Variants in SMARCA2 observed in about 807,000 individuals in gnomAD.
The protein encoded by SMARCA2 is SWI/SNF-related matrix-associated actin-dependent regulator of chromatin subfamily A member 2.
A neutral mutation model predicts 199.8 loss-of-function variants in SMARCA2; 61 were observed. The ratio of observed to expected loss-of-function variants is 0.31; its 90% CI spans 0.25 to 0.38. The LOEUF (loss-of-function observed/expected upper bound fraction) is 0.38. Among genes scored for constraint, SMARCA2 ranks in the 10% least tolerant of loss-of-function variants. The probability of loss-of-function intolerance (pLI) is 1.00; values close to 1 mark genes in which losing one functional copy is unlikely to be tolerated. For synonymous variants in SMARCA2, 935 were observed against 732.0 expected (o/e 1.28, Z -4.48); for missense variants, 1,344 against 2,012.2 (o/e 0.67, Z 6.35).
At chr9:2,156,098 A>T (rs757402926) in intron 27 of SMARCA2, among the ~76,000 whole-genome samples, 1 of 152,222 alleles carries the variant, frequency 6.6e-6, no homozygotes, top group Non-Finnish European at 1.5e-5. Context: ...TGCTATACAC[A>T]GTTATTTTCT....
chr9:2,075,587 C>T (rs550798607), intron 12 of SMARCA2, among the ~76,000 whole-genome samples: 3 of 152,334 alleles, frequency 2.0e-5, no homozygotes, highest in Admixed American at 6.5e-5. Flanking sequence ...TCCAGGTCCT[C>T]TACAGTGGAC....
chr9:2,152,291 C>G (rs1260278186), intron 27 of SMARCA2, among the ~76,000 whole-genome samples: 1 of 152,230 alleles, frequency 6.6e-6, no homozygotes, highest in Non-Finnish European at 1.5e-5. Flanking sequence ...ATGGCTCATG[C>G]CTGTAATCCC....
intron 27 of SMARCA2, among the ~76,000 whole-genome samples, chr9:2,131,062 T>C (rs1238062340): frequency 6.6e-6 from 1 of 152,206 alleles, no homozygotes; most frequent in African/African-American, 2.4e-5. Flanking sequence ...TCAGAATCCT[T>C]CCTTTCCTTA....
At chr9:2,171,183 C>T (rs1047007742) in intron 29 of SMARCA2, among the ~76,000 whole-genome samples, 5 of 152,116 alleles carry the variant, frequency 3.3e-5, no homozygotes, top group Non-Finnish European at 7.4e-5. Flanking sequence ...TACGCCAAGG[C>T]TAGGAGCTCT....
chr9:2,085,009 C>G (rs73638380), intron 17 of SMARCA2, among the ~76,000 whole-genome samples: 1,567 of 152,154 alleles, frequency 0.01, 29 homozygotes, highest in African/African-American at 0.036. Context: ...TAATCTGAAA[C>G]TAAGTTATGT....
chr9:2,118,519 A>C (rs1055470203), intron 25 of SMARCA2, among the ~76,000 whole-genome samples: 3 of 152,146 alleles, frequency 2.0e-5, no homozygotes, highest in Admixed American at 1.3e-4. Context: ...TGGATGTCTG[A>C]AGTTCTGTGT....
chr9:2,039,773 GCAA>G lies in SMARCA2; in HGVS notation c.666_668del (p.Gln238del), dbSNP rs747578881. ...CTGGCTTGCAGCAACAACAGCAGCA[GCAA>G]CAGCAGCAGCAGCAGCAGCAGCAGC... On this transcript the variant is annotated inframe_deletion, in exon 4 of 34. Transcript: ENST00000349721. This position sits in a 1 kb window ranked among gnomAD's most constrained non-coding sequence, Gnocchi z 4.8. The G allele has an allele frequency of 3.2e-5, 52 of 1,603,058 alleles. No homozygotes were observed. Among genetic ancestry groups the G allele is most frequent in the African/African-American group, 1.7e-4 (12 of 70,930 alleles).
intron 13 of SMARCA2, 125 bp from the exon 14 acceptor site, chr9:2,077,504 C>T (rs1394249983): frequency 9.3e-6 from 8 of 860,292 alleles, no homozygotes; most frequent in African/African-American, 1.7e-5. Flanking sequence ...CATGGCAAGT[C>T]GTGGTTGATA....
intron 9 of SMARCA2, among the ~76,000 whole-genome samples, 182 bp downstream of exon 9, chr9:2,061,168 G>A (rs528185699): frequency 1.2e-4 from 18 of 152,268 alleles, no homozygotes; most frequent in African/African-American, 3.9e-4. Flanking sequence ...GACAACTATT[G>A]GAGGTAAGGG....
chr9:2,126,317 G>C (rs188442098), intron 27 of SMARCA2, among the ~76,000 whole-genome samples: 1 of 152,366 alleles, frequency 6.6e-6, no homozygotes, highest in East Asian at 1.9e-4. Context: ...GTATCTTTTT[G>C]TAATCTAATC....
intron 1 of SMARCA2, chr9:2,021,968 A>C (rs1444561901): frequency 6.6e-6 from 1 of 152,084 alleles, no homozygotes; most frequent in African/African-American, 2.4e-5. Flanking sequence ...CCGAGATCAC[A>C]GAGACCCGGC....
At chr9:2,160,904 C>G (rs1434432810) in intron 27 of SMARCA2, 7 of 330,048 alleles carry the variant, frequency 2.1e-5, no homozygotes, top group Non-Finnish European at 3.8e-5. Context: ...AAAGTTTAAA[C>G]TTCTGGGTCT....
At chr9:2,139,975 T>C (rs1023414079) in intron 27 of SMARCA2, among the ~76,000 whole-genome samples, 2 of 152,014 alleles carry the variant, frequency 1.3e-5, no homozygotes, top group Non-Finnish European at 2.9e-5. Context: ...TAGCTTGACC[T>C]ATTCCCAGGA....
At chr9:2,024,990 G>A (rs932446930) in intron 1 of SMARCA2, among the ~76,000 whole-genome samples, 3 of 152,188 alleles carry the variant, frequency 2.0e-5, no homozygotes, top group Non-Finnish European at 2.9e-5. Context: ...TAAGACACAA[G>A]TTTTGTCATG....
intron 21 of SMARCA2, among the ~76,000 whole-genome samples, chr9:2,098,223 T>A (rs1465452689): frequency 6.6e-6 from 1 of 152,266 alleles, no homozygotes; most frequent in Admixed American, 6.5e-5. Context: ...GCCTACTTGC[T>A]ACTGCAAAAT....
chr9:2,087,615 C>G (rs969842437), intron 18 of SMARCA2, among the ~76,000 whole-genome samples: 1 of 151,716 alleles, frequency 6.6e-6, no homozygotes, highest in African/African-American at 2.4e-5. Flanking sequence ...CTGGAGTAGC[C>G]ATTTATTTTC....
At chr9:2,160,836 T>A in intron 27 of SMARCA2, 1 of 401,354 alleles carries the variant, frequency 2.5e-6, no homozygotes. Flanking sequence ...TCCTTGGCAG[T>A]ATTTTTCCCC....
intron 27 of SMARCA2, among the ~76,000 whole-genome samples, chr9:2,126,241 A>G (rs1823689292): frequency 6.6e-6 from 1 of 152,276 alleles, no homozygotes; most frequent in South Asian, 2.1e-4. Context: ...TAATTCTGAA[A>G]TGCCATGCAA....
At chr9:2,027,263 G>A (rs1007150909) in intron 1 of SMARCA2, among the ~76,000 whole-genome samples, 2 of 149,766 alleles carry the variant, frequency 1.3e-5, no homozygotes, top group African/African-American at 2.5e-5. Context: ...GCAATATAGT[G>A]AGACTCTGTC....
Sources: gnomAD v4.1 joint callset for allele counts (sites outside exome capture counted in the v4.1 genomes callset) on GRCh38, gnomAD v4.1.1 for gene constraint, Gnocchi (gnomAD v3.1) non-coding constraint, MANE v1.5 for transcripts, NCBI Gene and HGNC (gene_info 2026-07-23, HGNC 2026-07-21) for gene names.